WWC2: variants seen among roughly 807,000 people sequenced by gnomAD.
WWC2 encodes the protein protein WWC2.
A neutral mutation model predicts 138.5 loss-of-function variants in WWC2; 101 were observed. The observed-to-expected ratio is 0.73, with a 90% confidence interval of 0.62 to 0.86. The LOEUF (loss-of-function observed/expected upper bound fraction) is 0.86. Among genes scored for constraint, WWC2 ranks in the 40% least tolerant of loss-of-function variants. The pLI is 0.00. For missense variants in WWC2, 1,420 were observed against 1,419.4 expected, an observed-to-expected ratio of 1.00 and a Z score of -0.01; for synonymous variants, 558 against 538.4, an observed-to-expected ratio of 1.04 and a Z score of -0.50.
At chr4:183,229,451 G>T (rs774880304) in intron 4 of WWC2, among the ~76,000 whole-genome samples, 3 of 152,014 alleles carry the variant, frequency 2.0e-5, no homozygotes, top group Non-Finnish European at 4.4e-5. Flanking sequence ...GCTGGATCCA[G>T]TGAGTATCTC....
chr4:183,291,604 A>T (rs753055647), intron 21 of WWC2, among the ~76,000 whole-genome samples: 13 of 152,204 alleles, frequency 8.5e-5, no homozygotes, highest in Non-Finnish European at 1.6e-4. Flanking sequence ...CTATAGATGC[A>T]AACAGAACTT....
intron 8 of WWC2, among the ~76,000 whole-genome samples, chr4:183,251,634 T>C (rs1294702037): frequency 3.9e-5 from 6 of 152,222 alleles, no homozygotes; most frequent in Non-Finnish European, 8.8e-5. Context: ...GGCGCCTCTT[T>C]TTCCTGTATT....
At chr4:183,130,912 C>T (rs1327815744) in intron 1 of WWC2, among the ~76,000 whole-genome samples, 1 of 152,226 alleles carries the variant, frequency 6.6e-6, no homozygotes, top group African/African-American at 2.4e-5. Context: ...AGTACTTTCA[C>T]AGCAACATCT....
At chr4:183,122,536 T>G (rs953498497) in intron 1 of WWC2, among the ~76,000 whole-genome samples, 1 of 152,192 alleles carries the variant, frequency 6.6e-6, no homozygotes, top group African/African-American at 2.4e-5. Context: ...ATTTTATTTT[T>G]TTTGTGACAG....
chr4:183,128,482 A>G (rs1416646172), intron 1 of WWC2, among the ~76,000 whole-genome samples: 1 of 152,014 alleles, frequency 6.6e-6, no homozygotes, highest in Non-Finnish European at 1.5e-5. Context: ...GCCACTGCAT[A>G]CTAGCCTGGG....
At chr4:183,170,356 A>C (rs1476594013) in intron 1 of WWC2, among the ~76,000 whole-genome samples, 1 of 152,182 alleles carries the variant, frequency 6.6e-6, no homozygotes, top group Admixed American at 6.5e-5. Flanking sequence ...TTGCACAAAC[A>C]TGCTCTTCAG....
chr4:183,264,092 G>T (rs1737419525), intron 11 of WWC2, among the ~76,000 whole-genome samples: 1 of 152,186 alleles, frequency 6.6e-6, no homozygotes, highest in South Asian at 2.1e-4. Flanking sequence ...AAAGGGGGGT[G>T]GGCGGAGAGA....
intron 6 of WWC2, 101 bp from the exon 7 acceptor site, chr4:183,248,613 T>C: frequency 7.9e-7 from 1 of 1,269,844 alleles, no homozygotes; most frequent in South Asian, 1.9e-5. Flanking sequence ...AAGTTGTTTT[T>C]TTCCATTGAG....
chr4:183,239,188 G>A (rs145240824), intron 4 of WWC2, among the ~76,000 whole-genome samples: 22,621 of 151,924 alleles, frequency 0.15, 1,889 homozygotes, highest in South Asian at 0.24. Flanking sequence ...GGTGGCGGGC[G>A]CCTGTAATCC....
At chr4:183,259,481 G>A (rs897552072) in intron 9 of WWC2, among the ~76,000 whole-genome samples, 158 bp from the exon 10 acceptor site, 1 of 152,074 alleles carries the variant, frequency 6.6e-6, no homozygotes, top group Non-Finnish European at 1.5e-5. Flanking sequence ...GTGCAGCTCT[G>A]CCCCCCACAC....
intron 1 of WWC2, among the ~76,000 whole-genome samples, chr4:183,112,575 C>T (rs1424286690): frequency 1.3e-5 from 2 of 152,230 alleles, no homozygotes; most frequent in African/African-American, 2.4e-5. Context: ...ATTCGTCACA[C>T]ATTTATTGGA....
chr4:183,256,414 A>G (rs1737141832), intron 9 of WWC2, among the ~76,000 whole-genome samples: 1 of 152,036 alleles, frequency 6.6e-6, no homozygotes, highest in African/African-American at 2.4e-5. Context: ...TGCTGTTGCT[A>G]TTATGGTTTT....
At chr4:183,220,814 A>G (rs1735912703) in intron 4 of WWC2, among the ~76,000 whole-genome samples, 1 of 151,810 alleles carries the variant, frequency 6.6e-6, no homozygotes, top group African/African-American at 2.4e-5. Context: ...AGCCTGGGCG[A>G]CAGAGCGAGA....
chr4:183,226,430 G>T (rs1396299649), intron 4 of WWC2, among the ~76,000 whole-genome samples: 1 of 150,798 alleles, frequency 6.6e-6, no homozygotes, highest in Non-Finnish European at 1.5e-5. Flanking sequence ...ATAGAATTAA[G>T]TGGTCATAAA....
chr4:183,256,624 G>T (rs1737151354), intron 9 of WWC2, among the ~76,000 whole-genome samples: 1 of 152,110 alleles, frequency 6.6e-6, no homozygotes, highest in African/African-American at 2.4e-5. Flanking sequence ...TTGGGAAGTA[G>T]GATTTGCTGT....
At chr4:183,305,337 A>G (rs572807720) in intron 21 of WWC2, among the ~76,000 whole-genome samples, 1 of 152,312 alleles carries the variant, frequency 6.6e-6, no homozygotes, top group African/African-American at 2.4e-5. Context: ...CAGAAGAAAT[A>G]TTTGAAGGAA....
chr4:183,268,776 G>A (rs891849677), intron 14 of WWC2, among the ~76,000 whole-genome samples, 195 bp from the exon 15 acceptor site: 22 of 152,164 alleles, frequency 1.4e-4, no homozygotes, highest in East Asian at 3.9e-4. Context: ...GCTCAGGGGC[G>A]TAGTCAGCTC....
At position 183,312,400 on chromosome 4, in the gene WWC2, A is replaced by C. The variant is rs777318149; in HGVS notation, c.3444A>C (p.Gln1148His). 1.9e-6 allele frequency: 3 copies of C among 1,613,722 alleles called. No individual in the cohort carries two copies. The highest frequency in any genetic ancestry group is 2.2e-5 in the East Asian group (1 of 44,884). The change falls in exon 22 of 23, where the codon CAA (glutamine) becomes CAC (histidine). Residue 1148 changes from glutamine to histidine, a missense_variant. Gln to His is a conservative substitution (Grantham distance 24). Transcript: ENST00000403733. ...QGLNAEKLMR[Q>H]VSKDVCRLRE... ...TGAATGCAGAGAAGTTGATGAGGCA[A>C]GTCTCCAAGGACGTGTGTCGGCTCC...
intron 1 of WWC2, among the ~76,000 whole-genome samples, chr4:183,137,217 A>C (rs1306483747): frequency 6.6e-6 from 1 of 152,156 alleles, no homozygotes; most frequent in Non-Finnish European, 1.5e-5. Flanking sequence ...TCAGTAATCA[A>C]TGCTAACTTA....
Sources: gnomAD v4.1 joint callset for allele counts (sites outside exome capture counted in the v4.1 genomes callset) on GRCh38, gnomAD v4.1.1 for gene constraint, MANE v1.5 for transcripts, NCBI Gene and HGNC (gene_info 2026-07-23, HGNC 2026-07-21) for gene names.